Variants in POLG2 observed in about 807,000 individuals in gnomAD.
POLG2 encodes the protein DNA polymerase gamma 2, accessory subunit, also known as DNA polymerase subunit gamma-2.
POLG2 carries 50 observed loss-of-function variants against 56.5 expected under a neutral mutation model. The ratio of observed to expected loss-of-function variants is 0.88; its 90% CI spans 0.71 to 1.12. POLG2 has a LOEUF of 1.12. Ranked by LOEUF, POLG2 falls within the 50% of genes most tolerant of loss-of-function variation. POLG2 has a pLI of 0.00. For synonymous variants in POLG2, 226 were observed against 222.6 expected (o/e 1.02, Z -0.14); for missense variants, 584 against 583.3 (o/e 1.00, Z -0.01).
At chr17:64,483,627 T>C (rs2037901435) in intron 5 of POLG2, among the ~76,000 whole-genome samples, 1 of 152,060 alleles carries the variant, frequency 6.6e-6, no homozygotes, top group Non-Finnish European at 1.5e-5. Flanking sequence ...CCACGTGGCT[T>C]ACCATTTCAA....
intron 1 of POLG2, among the ~76,000 whole-genome samples, chr17:64,493,826 C>G (rs2038105914): frequency 6.6e-6 from 1 of 152,148 alleles, no homozygotes. Context: ...AAATAATAAA[C>G]ATCCATATAC....
At chr17:64,485,480 G>A (rs1454722016) in intron 5 of POLG2, 3 of 493,350 alleles carry the variant, frequency 6.1e-6, no homozygotes, top group Admixed American at 3.3e-5. Context: ...GAGTCATAGA[G>A]ATAGCTGTCT....
chr17:64,496,943 G>T lies in POLG2; in HGVS notation c.26C>A (p.Ala9Asp). The change falls in exon 1 of 8, where the codon GCC becomes GAC. Residue 9 changes from alanine (A) to aspartate (D), a missense_variant. Transcript: ENST00000539111. MRSRVAVR[A>D]CHKVCRCLLS... The stretch of plus-strand genomic sequence containing the variant: ...CAGGCACCTGCAGACCTTATGGCAG[G>T]CCCTGACGGCTACACGAGAGCGCAT... The T allele has an allele frequency of 1.2e-6, 2 of 1,608,850 alleles. No individual in the cohort carries two copies.
At chr17:64,479,491 G>A (rs1391496759) in intron 7 of POLG2, among the ~76,000 whole-genome samples, 3 of 151,960 alleles carry the variant, frequency 2.0e-5, no homozygotes, top group Non-Finnish European at 4.4e-5. Flanking sequence ...AGCCTGGAAG[G>A]TGTATTTTAA....
At chr17:64,484,482 GAGA>G (rs1202958403) in intron 5 of POLG2, among the ~76,000 whole-genome samples, 2 of 152,152 alleles carry the variant, frequency 1.3e-5, no homozygotes, top group Non-Finnish European at 2.9e-5. Context: ...TGAGTGAGAT[GAGA>G]AGCTTTCCTG....
intron 1 of POLG2, among the ~76,000 whole-genome samples, chr17:64,495,267 A>G (rs2038131569): frequency 6.6e-6 from 1 of 151,140 alleles, no homozygotes; most frequent in Admixed American, 6.6e-5. Context: ...TAAACGAAGA[A>G]AGTTAGGAAA....
At chr17:64,495,545 C>A (rs193016932) in intron 1 of POLG2, among the ~76,000 whole-genome samples, 1 of 152,100 alleles carries the variant, frequency 6.6e-6, no homozygotes, top group Non-Finnish European at 1.5e-5. Flanking sequence ...CCACTGCACT[C>A]GAGTCTGGGT....
chr17:64,491,623 T>TTGATG, intron 3 of POLG2: 1 of 1,518,546 alleles, frequency 6.6e-7, no homozygotes, highest in South Asian at 1.1e-5. Flanking sequence ...CCTAGTGGCC[T>TTGATG]TGATGGAGCG....
chr17:64,483,089 G>A lies in POLG2; in HGVS notation c.1111-90C>T, dbSNP rs531671874. ...TAACACAAGTTTAAATATAACACAA[G>A]TATTAACAAACAGTTTCTTAACAGT... On this transcript the variant is annotated intron_variant, in intron 5 of 7. Transcript: ENST00000539111. 8 of 683,960 alleles carry A rather than the reference G, an allele frequency of 1.2e-5. No individual in the cohort carries two copies. The East Asian group carries it at 2.1e-4, about 18-fold the overall frequency. 42.4% of individuals were successfully genotyped at this position (683,960 alleles called of 1,614,324 possible).
chr17:64,494,898 G>A (rs1255808924), intron 1 of POLG2, among the ~76,000 whole-genome samples: 2 of 152,198 alleles, frequency 1.3e-5, no homozygotes, highest in African/African-American at 4.8e-5. Flanking sequence ...TGGAGGCCGG[G>A]CGCAGTGGCT....
intron 1 of POLG2, among the ~76,000 whole-genome samples, chr17:64,496,117 A>G (rs1023779087): frequency 6.6e-6 from 1 of 152,246 alleles, no homozygotes; most frequent in Non-Finnish European, 1.5e-5. Context: ...TTCCTTATGC[A>G]CTTAGACTAC....
chr17:64,492,727 C>A lies in POLG2; in HGVS notation c.735G>T (p.Pro245=). Residue 245 remains proline, a synonymous_variant, in exon 3 of 8, where the codon CCG becomes CCT. Transcript: ENST00000539111. ...TEASLVWFTP[P]RTSNQWLDFW... The stretch of plus-strand genomic sequence containing the variant: ...AATCAAGCCACTGGTTTGAAGTTCT[C>A]GGAGGAGTAAACCATACTAACGAAG... The A allele has an allele frequency of 1.2e-6, 2 of 1,613,220 alleles. No homozygotes were observed. The highest frequency in any genetic ancestry group is 2.2e-5 in the East Asian group (1 of 44,866).
At chr17:64,491,939 C>CAA (rs782671593) in intron 3 of POLG2, 3 of 145,062 alleles carry the variant, frequency 2.1e-5, no homozygotes, top group African/African-American at 3.1e-5. Flanking sequence ...AAAAAAAAAA[C>CAA]AAAAAAAAAA....
At chr17:64,481,851 G>A (rs1005251875) in intron 6 of POLG2, among the ~76,000 whole-genome samples, 2 of 150,824 alleles carry the variant, frequency 1.3e-5, no homozygotes, top group Admixed American at 6.6e-5. Flanking sequence ...CTCCAGCCTG[G>A]GTAACAGAGC....
chr17:64,484,956 C>T (rs1053264559), intron 5 of POLG2, among the ~76,000 whole-genome samples: 1 of 152,114 alleles, frequency 6.6e-6, no homozygotes, highest in Non-Finnish European at 1.5e-5. Flanking sequence ...CCATTTAAAC[C>T]CCCACTCTTC....
chr17:64,495,209 G>T (rs1304158625), intron 1 of POLG2, among the ~76,000 whole-genome samples: 4 of 150,724 alleles, frequency 2.7e-5, no homozygotes, highest in Non-Finnish European at 5.9e-5. Flanking sequence ...CAGGATCTGG[G>T]CACTAGGTGT....
At chr17:64,481,188 G>A in intron 6 of POLG2, 1 of 711,814 alleles carries the variant, frequency 1.4e-6, no homozygotes, top group Non-Finnish European at 1.7e-6. Flanking sequence ...AATGGTGACT[G>A]AGCTACAGCA....
intron 6 of POLG2, chr17:64,481,503 G>A (rs2037855214): frequency 3.4e-6 from 2 of 581,770 alleles, no homozygotes; most frequent in Non-Finnish European, 4.3e-6. Flanking sequence ...TTAATCATTA[G>A]AACAAATTAG....
At chr17:64,490,236 T>C (rs893510535) in intron 4 of POLG2, among the ~76,000 whole-genome samples, 21 of 152,172 alleles carry the variant, frequency 1.4e-4, no homozygotes, top group African/African-American at 5.1e-4. Context: ...AATTAATAAA[T>C]ACAAACTATT....
Sources: gnomAD v4.1 joint callset for allele counts (sites outside exome capture counted in the v4.1 genomes callset) on GRCh38, gnomAD v4.1.1 for gene constraint, MANE v1.5 for transcripts, NCBI Gene and HGNC (gene_info 2026-07-23, HGNC 2026-07-21) for gene names.